The following TJP2 variants were observed in gnomAD, a reference collection of about 807,000 sequenced individuals.
TJP2 encodes the protein Friedreich ataxia region gene X104 (tight junction protein ZO-2).
A neutral mutation model predicts 133.1 loss-of-function variants in TJP2; 91 were observed. The observed-to-expected ratio is 0.68, with a 90% CI of 0.58 to 0.81. The LOEUF (loss-of-function observed/expected upper bound fraction) is 0.81. TJP2 is among the 40% of genes least tolerant of loss of function. TJP2 has a pLI of 0.00. For missense variants in TJP2, 1,541 were observed against 1,565.6 expected, an observed-to-expected ratio of 0.98 and a Z score of 0.26; for synonymous variants, 592 against 583.4, an observed-to-expected ratio of 1.01 and a Z score of -0.21.
chr9:69,198,607 C>T (rs1564427652), intron 1 of TJP2, among the ~76,000 whole-genome samples: 1 of 152,220 alleles, frequency 6.6e-6, no homozygotes, highest in Admixed American at 6.5e-5. Flanking sequence ...ACAAACCCCT[C>T]TCTAAGCTTA....
chr9:69,175,804 G>GT (rs1381850412), intron 1 of TJP2, among the ~76,000 whole-genome samples: 3 of 152,230 alleles, frequency 2.0e-5, no homozygotes, highest in South Asian at 2.1e-4. Flanking sequence ...TGTTTCTTGT[G>GT]TTTTTTTCAG....
chr9:69,158,506 G>A (rs35392837), intron 2 of TJP2, among the ~76,000 whole-genome samples: 13,469 of 152,012 alleles, frequency 0.089, 619 homozygotes, highest in African/African-American at 0.12. Flanking sequence ...AGTGGTTTCA[G>A]GTGTCCTATG....
intron 1 of TJP2, among the ~76,000 whole-genome samples, chr9:69,211,130 G>A (rs1827876463): frequency 6.6e-6 from 1 of 152,174 alleles, no homozygotes; most frequent in South Asian, 2.1e-4. Context: ...ACAAGGTCAG[G>A]AGTTTGAGAC....
chr9:69,168,811 A>G (rs1424222313), intron 2 of TJP2, among the ~76,000 whole-genome samples: 1 of 149,190 alleles, frequency 6.7e-6, no homozygotes, highest in Non-Finnish European at 1.5e-5. Flanking sequence ...AAAAAAAAAA[A>G]AAAAAGAAAA....
At chr9:69,170,601 G>C (rs948500687), upstream of TJP2, among the ~76,000 whole-genome samples, 5 of 152,136 alleles carry the variant, frequency 3.3e-5, no homozygotes, top group African/African-American at 1.2e-4. Context: ...CCATTGAAAA[G>C]CTCTGGCCAA....
chr9:69,195,686 C>G (rs76667937), intron 1 of TJP2, among the ~76,000 whole-genome samples: 4 of 152,164 alleles, frequency 2.6e-5, no homozygotes, highest in African/African-American at 7.2e-5. Context: ...TCAGGCCCCC[C>G]CTTTTCCATG....
chr9:69,204,948 A>C (rs1356221512), intron 1 of TJP2: 1 of 1,295,606 alleles, frequency 7.7e-7, no homozygotes, highest in Admixed American at 3.7e-5. Flanking sequence ...AAGTGGTGCA[A>C]ATCCAAACTG....
At chr9:69,249,332 T>C (rs754230585) in intron 19 of TJP2, 43 bp from the exon 20 acceptor site, 4 of 1,568,704 alleles carry the variant, frequency 2.5e-6, no homozygotes, top group African/African-American at 1.4e-5. Flanking sequence ...CTGTTCTCTC[T>C]GCTTGGATGT....
rs551590734 is a variant in TJP2 at position 69,251,944 on chromosome 9, C to T, written c.3321+580C>T. On this transcript the variant is annotated intron_variant, in intron 21 of 22. Coordinates refer to ENST00000377245, the MANE Select transcript of TJP2 (RefSeq NM_004817.4). ...TTTTCTTTTCTTGTCGTAAAATATA[C>T]ATAACATAAAATTTACCATTTCAAC... is the stretch of plus-strand genomic sequence containing the variant. Among the ~76,000 whole-genome samples, 3 of 152,228 alleles carry T rather than the reference C, an allele frequency of 2.0e-5. No homozygotes were observed. In the South Asian group the frequency reaches 6.2e-4, roughly 32 times the overall value.
intron 10 of TJP2, among the ~76,000 whole-genome samples, chr9:69,229,491 C>T (rs1829606372): frequency 6.6e-6 from 1 of 152,216 alleles, no homozygotes; most frequent in East Asian, 1.9e-4. Flanking sequence ...ATCTAGCTAC[C>T]TTTCCAGAGT....
At chr9:69,204,855 A>G in intron 1 of TJP2, 3 of 1,133,350 alleles carry the variant, frequency 2.6e-6, no homozygotes, top group Non-Finnish European at 3.3e-6. Flanking sequence ...ATGCTGAATC[A>G]TTTTATGTGC....
rs188854092 is a variant in TJP2 at position 69,204,868 on chromosome 9, A to C, written c.61-7680A>C. 6.4e-4 allele frequency: 744 copies of C among 1,161,810 alleles called. 15 individuals are homozygous for C. The Admixed American group carries it at 0.029, about 45-fold the overall frequency. The allele number at this position is 1,161,810 out of a possible 1,614,324, so 72.0% of individuals were successfully genotyped here. On this transcript the variant is annotated intron_variant, in intron 1 of 22. Transcript: ENST00000377245. ...AGATGCTGAATCATTTTATGTGCTTAAAAGAAATATCTACTCGGATGCTCT... is the reference window on the plus strand; with the variant it reads ...AGATGCTGAATCATTTTATGTGCTTCAAAGAAATATCTACTCGGATGCTCT...
At chr9:69,248,950 T>C (rs1015364069) in intron 19 of TJP2, 22 of 988,672 alleles carry the variant, frequency 2.2e-5, no homozygotes, top group Non-Finnish European at 2.6e-5. Flanking sequence ...ATGATTTTTT[T>C]CTTTATGAAA....
intron 17 of TJP2, among the ~76,000 whole-genome samples, chr9:69,241,589 T>G (rs1830578121): frequency 1.3e-5 from 2 of 152,228 alleles, no homozygotes; most frequent in African/African-American, 4.8e-5. Flanking sequence ...AAGTGGTCCA[T>G]CATAAACTAG....
chr9:69,248,415 G>A (rs1484029675), intron 19 of TJP2, 191 bp downstream of exon 19: 13 of 1,432,984 alleles, frequency 9.1e-6, no homozygotes, highest in African/African-American at 2.9e-5. Flanking sequence ...GCAGGCAGGT[G>A]GACTTCAGAA....
At chr9:69,174,196 C>T, upstream of TJP2, 3 of 1,394,900 alleles carry the variant, frequency 2.2e-6, no homozygotes, top group South Asian at 1.6e-5. Context: ...CGGGGGCGGG[C>T]TGACGCCGCC....
intron 1 of TJP2, among the ~76,000 whole-genome samples, chr9:69,182,793 T>C (rs1825606548): frequency 6.7e-6 from 1 of 150,082 alleles, no homozygotes; most frequent in African/African-American, 2.4e-5. Flanking sequence ...AATTTCTTTT[T>C]TTTTTTTTTT....
At chr9:69,128,783 C>T (rs1002660919) in intron 1 of TJP2, among the ~76,000 whole-genome samples, 5 of 152,206 alleles carry the variant, frequency 3.3e-5, no homozygotes, top group African/African-American at 1.2e-4. Context: ...GCCTCGGCCT[C>T]CCAAAGTCCT....
chr9:69,238,053 C>A, intron 15 of TJP2, 80 bp downstream of exon 15: 1 of 947,710 alleles, frequency 1.1e-6, no homozygotes, highest in Non-Finnish European at 1.7e-6. Flanking sequence ...GAATCATGAA[C>A]ACCCACGTAC....
Sources: allele counts gnomAD v4.1 joint callset (sites outside exome capture counted in the v4.1 genomes callset), GRCh38; gene constraint gnomAD v4.1.1; transcripts MANE v1.5; gene names NCBI Gene and HGNC (gene_info 2026-07-23, HGNC 2026-07-21).